SGK1: variants seen among roughly 807,000 people sequenced by gnomAD.
The protein encoded by SGK1 is serum/glucocorticoid regulated kinase 1.
A neutral mutation model predicts 64.2 loss-of-function variants in SGK1; 26 were observed. That is an observed-to-expected ratio of 0.40 (90% CI 0.30 to 0.56). The LOEUF (loss-of-function observed/expected upper bound fraction) is 0.56. SGK1 is among the 20% of genes least tolerant of loss of function. The pLI, the probability that SGK1 is intolerant of heterozygous loss-of-function variation, is 0.38. For missense variants in SGK1, 519 were observed against 645.6 expected, an observed-to-expected ratio of 0.80 and a Z score of 2.12; for synonymous variants, 265 against 239.7, an observed-to-expected ratio of 1.11 and a Z score of -0.98.
chr6:134,181,685 G>A (rs753390120), intron 3 of SGK1, among the ~76,000 whole-genome samples: 7 of 151,974 alleles, frequency 4.6e-5, no homozygotes, highest in African/African-American at 7.3e-5. Context: ...AATCTAGAAG[G>A]AGGCAACAGA....
chr6:134,174,877 G>C (rs1409344554), intron 3 of SGK1: 43 of 1,604,624 alleles, frequency 2.7e-5, no homozygotes, highest in Non-Finnish European at 3.4e-5. Context: ...GCCAGGCCGC[G>C]CGCTCGGCCT....
intron 1 of SGK1, among the ~76,000 whole-genome samples, chr6:134,315,560 C>T (rs1334704161): frequency 6.6e-6 from 1 of 152,072 alleles, no homozygotes; most frequent in South Asian, 2.1e-4. Context: ...ATTTTGATAA[C>T]AAAGAAAATA....
intron 1 of SGK1, among the ~76,000 whole-genome samples, chr6:134,278,364 T>G (rs1048401274): frequency 1.3e-5 from 2 of 152,252 alleles, no homozygotes; most frequent in Non-Finnish European, 2.9e-5. Context: ...AGATAAAGAC[T>G]GAATGAAAGT....
intron 1 of SGK1, among the ~76,000 whole-genome samples, chr6:134,292,490 G>A (rs1248990446): frequency 6.6e-6 from 1 of 152,068 alleles, no homozygotes; most frequent in East Asian, 1.9e-4. Flanking sequence ...CTACTCGGGA[G>A]GCTGACGCAG....
chr6:134,305,572 CA>C (rs11403837), intron 1 of SGK1, among the ~76,000 whole-genome samples: 384 of 118,622 alleles, frequency 3.2e-3, no homozygotes, highest in African/African-American at 5.6e-3. Flanking sequence ...GACCCTGTCT[CA>C]AAAAAAAAAA....
At chr6:134,249,786 C>A (rs80228127) in intron 2 of SGK1, among the ~76,000 whole-genome samples, 1 of 152,316 alleles carries the variant, frequency 6.6e-6, no homozygotes, top group Non-Finnish European at 1.5e-5. Flanking sequence ...TGGTCACTAC[C>A]TGAAAGGTCT....
Position 134,173,994 on chromosome 6 carries a change from C to G in SGK1, c.513+11G>C, listed in dbSNP as rs764326764. 8.1e-6 allele frequency: 13 copies of G among 1,604,680 alleles called. No individual in the cohort carries two copies. Among genetic ancestry groups the G allele is most frequent in the Non-Finnish European group, 1.1e-5 (13 of 1,172,524 alleles). ...GTTCTCCACAGATGCACGGCACATA[C>G]AAAAACTTACTGGAGGAGAAGGGTT... On this transcript the variant is annotated intron_variant, in intron 5 of 13. Transcript: ENST00000367858.
At chr6:134,290,150 CAAAAAAA>C (rs35039086) in intron 1 of SGK1, among the ~76,000 whole-genome samples, 5 of 75,924 alleles carry the variant, frequency 6.6e-5, no homozygotes, top group South Asian at 4.8e-4. Flanking sequence ...AGCTCCTTCT[CAAAAAAA>C]AAAAAAAAAA....
rs575489291 is a variant in SGK1, at chr6:134,262,700, CCACAACAACAA to C, written c.70-563_70-553del. Among the ~76,000 whole-genome samples the C allele has an allele frequency of 1.2e-3, 177 of 151,828 alleles. 5 individuals carry two copies. In the South Asian group the frequency reaches 0.036, roughly 31 times the overall value. On this transcript the variant is annotated intron_variant, in intron 1 of 13. Coordinates refer to ENST00000367858, the MANE Select transcript of SGK1 (RefSeq NM_001143676.3). The stretch of plus-strand genomic sequence containing the variant: ...GGTGACAGAGCAAGACTGTCTCCAA[CCACAACAACAA>C]CACAACAACAACAAACCCTCAAAAC...
chr6:134,207,542 G>T, intron 2 of SGK1, 111 bp from the exon 3 acceptor site: 1 of 731,034 alleles, frequency 1.4e-6, no homozygotes. Context: ...AGTACATATG[G>T]CATGTCTGTG....
chr6:134,249,574 C>G (rs922407041), intron 2 of SGK1: 4 of 152,246 alleles, frequency 2.6e-5, no homozygotes, highest in Admixed American at 1.3e-4. Context: ...CTATCTCCCC[C>G]TCTTCTAGCA....
chr6:134,312,971 C>T (rs901765089), intron 1 of SGK1, among the ~76,000 whole-genome samples: 1 of 152,124 alleles, frequency 6.6e-6, no homozygotes, highest in Non-Finnish European at 1.5e-5. Context: ...CAGGGTTTCA[C>T]CACGTTGGCC....
chr6:134,215,632 G>A (rs1775967122), intron 2 of SGK1, among the ~76,000 whole-genome samples: 1 of 152,192 alleles, frequency 6.6e-6, no homozygotes, highest in South Asian at 2.1e-4. Flanking sequence ...TGTAATCCCA[G>A]CACTGTGGGA....
intron 3 of SGK1, among the ~76,000 whole-genome samples, chr6:134,188,410 C>G (rs1325433533): frequency 6.6e-6 from 1 of 152,144 alleles, no homozygotes; most frequent in Non-Finnish European, 1.5e-5. Context: ...CAACCAGGTG[C>G]TCGAGGTTCT....
intron 3 of SGK1, among the ~76,000 whole-genome samples, chr6:134,199,576 A>AAAAG (rs1338365266): frequency 2.0e-5 from 3 of 151,054 alleles, no homozygotes; most frequent in Non-Finnish European, 3.0e-5. Context: ...AAAAAAAAAA[A>AAAAG]AGAAAGAGAG....
chr6:134,186,343 T>C (rs1246679540), intron 3 of SGK1, among the ~76,000 whole-genome samples: 1 of 152,124 alleles, frequency 6.6e-6, no homozygotes, highest in Non-Finnish European at 1.5e-5. Context: ...TTAAATACTA[T>C]GATATAAAAT....
At chr6:134,226,845 T>C (rs1776190364) in intron 2 of SGK1, among the ~76,000 whole-genome samples, 5 of 151,080 alleles carry the variant, frequency 3.3e-5, no homozygotes. Flanking sequence ...GCCACCATGC[T>C]TGGCTAATTT....
At chr6:134,214,181 A>T (rs949027289) in intron 2 of SGK1, among the ~76,000 whole-genome samples, 3 of 152,038 alleles carry the variant, frequency 2.0e-5, no homozygotes, top group African/African-American at 7.2e-5. Flanking sequence ...TCGGCCTCCT[A>T]AAGTGCTAAG....
intron 3 of SGK1, among the ~76,000 whole-genome samples, chr6:134,182,494 T>TA (rs755543891): frequency 0.011 from 1,540 of 136,664 alleles, 15 homozygotes; most frequent in African/African-American, 0.034. Context: ...AGACTCCGTC[T>TA]AAAAAAAAAA....
Sources: gnomAD v4.1 joint callset for allele counts (sites outside exome capture counted in the v4.1 genomes callset) on GRCh38, gnomAD v4.1.1 for gene constraint, MANE v1.5 for transcripts, NCBI Gene and HGNC (gene_info 2026-07-23, HGNC 2026-07-21) for gene names.